Variants in ALK observed in about 807,000 individuals in gnomAD.
The protein encoded by ALK is ALK tyrosine kinase receptor.
Under a neutral mutation model 163.1 loss-of-function variants are expected in ALK, and 74 were observed. The observed-to-expected ratio is 0.45, with a 90% CI of 0.38 to 0.55. ALK has a LOEUF of 0.55. Ranked by LOEUF, ALK falls within the 20% of genes least tolerant of loss-of-function variation. The pLI, the probability that ALK is intolerant of heterozygous loss-of-function variation, is 0.00. For missense variants in ALK, 2,063 were observed against 2,105.3 expected, an observed-to-expected ratio of 0.98 and a Z score of 0.39; for synonymous variants, 960 against 843.2, an observed-to-expected ratio of 1.14 and a Z score of -2.40.
intron 1 of ALK, among the ~76,000 whole-genome samples, chr2:29,910,966 C>G (rs567669319): frequency 5.3e-5 from 8 of 151,082 alleles, no homozygotes; most frequent in African/African-American, 2.0e-4. Context: ...ATACTCTGGA[C>G]GAAACAACAA....
chr2:29,377,942 A>T (rs1283892492), intron 5 of ALK, among the ~76,000 whole-genome samples: 1 of 152,254 alleles, frequency 6.6e-6, no homozygotes, highest in East Asian at 1.9e-4. Context: ...TAGAGTAAGG[A>T]ACCAAGAAGA....
At chr2:29,226,834 G>A (rs2148178054) in intron 18 of ALK, 88 bp downstream of exon 18, 1 of 1,532,162 alleles carries the variant, frequency 6.5e-7, no homozygotes, top group Non-Finnish European at 9.0e-7. Context: ...CCGAATCCAG[G>A]GTGTTCTGGA....
chr2:29,787,150 T>C (rs1166131781), intron 1 of ALK, among the ~76,000 whole-genome samples: 1 of 152,164 alleles, frequency 6.6e-6, no homozygotes, highest in Non-Finnish European at 1.5e-5. Context: ...AAGAAGCCTC[T>C]TGAAGTCCAA....
chr2:29,358,822 T>C (rs1668317183), intron 5 of ALK, among the ~76,000 whole-genome samples: 1 of 152,192 alleles, frequency 6.6e-6, no homozygotes. Context: ...AATTTCCTTA[T>C]AATGAGTTGT....
intron 1 of ALK, among the ~76,000 whole-genome samples, chr2:29,835,018 C>T (rs1355435190): frequency 6.6e-6 from 1 of 152,196 alleles, no homozygotes; most frequent in East Asian, 1.9e-4. Flanking sequence ...GCAATCTAAG[C>T]CAAATAAAAA....
At chr2:29,605,364 T>A (rs1675515779) in intron 3 of ALK, among the ~76,000 whole-genome samples, 1 of 152,194 alleles carries the variant, frequency 6.6e-6, no homozygotes, top group South Asian at 2.1e-4. Flanking sequence ...GTCCATGGCC[T>A]TGGGGTTGTG....
At chr2:29,778,058 A>G (rs755164368) in intron 1 of ALK, among the ~76,000 whole-genome samples, 1 of 152,236 alleles carries the variant, frequency 6.6e-6, no homozygotes, top group Non-Finnish European at 1.5e-5. Context: ...GGAAGCTTAC[A>G]AACACACCAG....
chr2:29,651,845 C>T (rs768045897), intron 3 of ALK, among the ~76,000 whole-genome samples: 3 of 152,116 alleles, frequency 2.0e-5, no homozygotes, highest in African/African-American at 2.4e-5. Context: ...CTTATAATTA[C>T]CATAAATATC....
intron 1 of ALK, among the ~76,000 whole-genome samples, chr2:29,809,341 T>C (rs1023733058): frequency 6.6e-6 from 1 of 152,252 alleles, no homozygotes; most frequent in African/African-American, 2.4e-5. Flanking sequence ...ATCTCCATCA[T>C]ACTGAGAGTT....
intron 4 of ALK, among the ~76,000 whole-genome samples, chr2:29,459,417 G>A (rs140146694): frequency 9.2e-5 from 14 of 152,264 alleles, no homozygotes; most frequent in East Asian, 3.9e-4. Flanking sequence ...TCAGCAGGAC[G>A]CTGATGTTTT....
chr2:29,894,833 AACACACACACAC>A (rs762896113), intron 1 of ALK, among the ~76,000 whole-genome samples: 2 of 149,982 alleles, frequency 1.3e-5, no homozygotes. Flanking sequence ...TGATGCTTCA[AACACACACACAC>A]ACACACAAAC....
At chr2:29,200,740 C>CGT (rs1669140262) in intron 26 of ALK, among the ~76,000 whole-genome samples, 1 of 131,338 alleles carries the variant, frequency 7.6e-6, no homozygotes. Context: ...TATATATATA[C>CGT]GTATATATAT....
intron 8 of ALK, among the ~76,000 whole-genome samples, chr2:29,299,562 A>G (rs1286733190): frequency 1.3e-5 from 2 of 152,174 alleles, no homozygotes; most frequent in Non-Finnish European, 2.9e-5. Context: ...TTTATCTCTT[A>G]TAGGGTTATA....
At chr2:29,560,700 T>C (rs1056665750) in intron 3 of ALK, among the ~76,000 whole-genome samples, 1 of 152,034 alleles carries the variant, frequency 6.6e-6, no homozygotes. Context: ...GCCCGTTGAG[T>C]AGCTGGGACT....
chr2:29,215,970 T>A (rs938883613), intron 23 of ALK, among the ~76,000 whole-genome samples: 4 of 152,110 alleles, frequency 2.6e-5, no homozygotes, highest in African/African-American at 9.7e-5. Flanking sequence ...ACCCGAGGTA[T>A]TGAGGGGTTT....
At chr2:29,518,125 G>A (rs1215416431) in intron 4 of ALK, among the ~76,000 whole-genome samples, 1 of 152,160 alleles carries the variant, frequency 6.6e-6, no homozygotes, top group African/African-American at 2.4e-5. Context: ...TAGGCATGAG[G>A]CAGTCTCTCT....
At chr2:29,628,480 G>A (rs755025382) in intron 3 of ALK, among the ~76,000 whole-genome samples, 21 of 152,138 alleles carry the variant, frequency 1.4e-4, no homozygotes, top group Non-Finnish European at 1.9e-4. Context: ...CCAAACTTAC[G>A]AGCTGGAGGG....
chr2:29,251,357 C>T lies in ALK; in HGVS notation c.2042-90G>A, dbSNP rs1664812411. On this transcript the variant is annotated intron_variant, in intron 11 of 28. Transcript: ENST00000389048. ...TGGGTGGCCTCTGAGATATCTGCTC[C>T]ATGGCCCCAAACCCTCCATCCAAGA... The T allele has an allele frequency of 2.2e-6, 3 of 1,341,416 alleles. No homozygotes were observed. The South Asian group carries it at 3.8e-5, about 17-fold the overall frequency. 83.1% of individuals were successfully genotyped at this position (1,341,416 alleles called of 1,614,324 possible). A position where few individuals can be genotyped will look rare whatever the true frequency, so the allele number is the denominator to read the frequency against.
rs114009760 is a variant in ALK at position 29,855,447 on chromosome 2, C to T, written c.667+64546G>A. On this transcript the variant is annotated intron_variant, in intron 1 of 28. Coordinates refer to ENST00000389048, the MANE Select transcript of ALK (RefSeq NM_004304.5). ...AGGAACAGTTAGCCCCTTCTTCCTT[C>T]TACCAAGAGATCACTACCTCACACC... Among the ~76,000 whole-genome samples, 1,279 of 152,206 alleles carry T rather than the reference C, an allele frequency of 8.4e-3. 16 individuals carry two copies. Among genetic ancestry groups the T allele is most frequent in the African/African-American group, 0.029 (1,187 of 41,510 alleles).
Sources: allele counts gnomAD v4.1 joint callset (sites outside exome capture counted in the v4.1 genomes callset), GRCh38; gene constraint gnomAD v4.1.1; transcripts MANE v1.5; gene names NCBI Gene and HGNC (gene_info 2026-07-23, HGNC 2026-07-21).